The following IL1RAPL1 variants were observed in gnomAD, a reference collection of about 807,000 sequenced individuals.
IL1RAPL1 encodes interleukin-1 receptor accessory protein-like 1.
IL1RAPL1 carries 3 observed loss-of-function variants against 48.4 expected under a neutral mutation model. That is an observed-to-expected ratio of 0.06 (90% confidence interval 0.03 to 0.16). IL1RAPL1 has a LOEUF of 0.16. Among genes scored for constraint, IL1RAPL1 ranks in the 10% least tolerant of loss-of-function variants. The probability of loss-of-function intolerance (pLI) is 1.00; values close to 1 mark genes in which losing one functional copy is unlikely to be tolerated. For synonymous variants in IL1RAPL1, 185 were observed against 187.7 expected (o/e 0.99, Z 0.12); for missense variants, 349 against 530.6 (o/e 0.66, Z 3.36).
Position 29,349,179 on chromosome X carries a change from A to C in IL1RAPL1, c.363-47079A>C, listed in dbSNP as rs1933190573. ...AAAAATGATATGATCTAATGCTGAT[A>C]GATTGAGTGGGGAAACCCAGCAAGG... is the stretch of plus-strand genomic sequence containing the variant. On this transcript the variant is annotated intron_variant, in intron 3 of 10. Transcript: ENST00000378993. Among the ~76,000 whole-genome samples, 4 of 112,519 alleles carry C rather than the reference A, an allele frequency of 3.6e-5. No individual in the cohort carries two copies. The South Asian group carries it at 1.5e-3, about 41-fold the overall frequency.
chrX:29,883,448 C>T (rs1411026550), intron 6 of IL1RAPL1, among the ~76,000 whole-genome samples: 1 of 110,864 alleles, frequency 9.0e-6, no homozygotes, highest in African/African-American at 3.4e-5. Flanking sequence ...ACATTTTTAA[C>T]ACAGAGAGAG....
intron 6 of IL1RAPL1, among the ~76,000 whole-genome samples, chrX:29,678,081 C>T (rs540273742): frequency 9.0e-6 from 1 of 111,246 alleles, no homozygotes; most frequent in African/African-American, 3.3e-5. Context: ...ATCATTCTGG[C>T]AGTCACTTCT....
chrX:29,656,544 C>T (rs1370834265), intron 5 of IL1RAPL1, among the ~76,000 whole-genome samples: 1 of 111,201 alleles, frequency 9.0e-6, no homozygotes, highest in East Asian at 2.8e-4. Flanking sequence ...TGAGTTACTT[C>T]ACTTGGAATA....
chrX:29,643,230 C>G (rs1025151008), intron 5 of IL1RAPL1, among the ~76,000 whole-genome samples: 2 of 111,728 alleles, frequency 1.8e-5, no homozygotes, highest in Non-Finnish European at 3.8e-5. Context: ...ACTTGTATGT[C>G]TTACTGTATT....
chrX:28,700,110 G>C (rs1935278203), intron 1 of IL1RAPL1, among the ~76,000 whole-genome samples: 1 of 111,179 alleles, frequency 9.0e-6, no homozygotes, highest in Admixed American at 9.6e-5. Flanking sequence ...ATTTTGAAAA[G>C]TTAAAAGTAT....
intron 1 of IL1RAPL1, among the ~76,000 whole-genome samples, chrX:28,787,424 G>C (rs1936486401): frequency 9.0e-6 from 1 of 111,531 alleles, no homozygotes; most frequent in Non-Finnish European, 1.9e-5. Flanking sequence ...ACTCAGATTT[G>C]TACTTTAATG....
At chrX:29,601,564 A>G (rs1923719743) in intron 5 of IL1RAPL1, among the ~76,000 whole-genome samples, 1 of 112,164 alleles carries the variant, frequency 8.9e-6, no homozygotes, top group Non-Finnish European at 1.9e-5. Context: ...GGTTCCCCAA[A>G]ATTACAGAAT....
intron 5 of IL1RAPL1, among the ~76,000 whole-genome samples, chrX:29,414,302 T>C (rs1352989337): frequency 8.9e-6 from 1 of 112,131 alleles, no homozygotes. Flanking sequence ...TGAATGTATT[T>C]AATGCCATTT....
At chrX:29,575,376 C>T (rs1382841492) in intron 5 of IL1RAPL1, among the ~76,000 whole-genome samples, 1 of 111,741 alleles carries the variant, frequency 8.9e-6, no homozygotes, top group Non-Finnish European at 1.9e-5. Flanking sequence ...AGCGGGGAAG[C>T]CAGCAGTGCA....
chrX:28,763,680 C>A (rs1174596905), intron 1 of IL1RAPL1, among the ~76,000 whole-genome samples: 1 of 111,301 alleles, frequency 9.0e-6, no homozygotes, highest in Admixed American at 9.6e-5. Context: ...CTAGGAGTCT[C>A]TAGTCCTATG....
intron 5 of IL1RAPL1, among the ~76,000 whole-genome samples, chrX:29,581,609 A>G (rs760430520): frequency 2.3e-4 from 26 of 111,955 alleles, no homozygotes; most frequent in Middle Eastern, 9.2e-3. Context: ...AGCTGAGTGC[A>G]TGTCCTTCCG....
At chrX:28,757,840 A>G (rs921818619) in intron 1 of IL1RAPL1, among the ~76,000 whole-genome samples, 2 of 111,162 alleles carry the variant, frequency 1.8e-5, no homozygotes, top group African/African-American at 6.5e-5. Flanking sequence ...TTCCTTTTCT[A>G]ATTCATTTTA....
At chrX:28,598,138 T>G (rs1212889658) in intron 1 of IL1RAPL1, among the ~76,000 whole-genome samples, 2 of 112,255 alleles carry the variant, frequency 1.8e-5, no homozygotes, top group African/African-American at 3.2e-5. Flanking sequence ...TCATATGGAA[T>G]AAGAATATTG....
chrX:28,664,486 CAT>C (rs1317296499), intron 1 of IL1RAPL1, among the ~76,000 whole-genome samples: 5 of 111,857 alleles, frequency 4.5e-5, no homozygotes, highest in Non-Finnish European at 9.4e-5. Context: ...GCATTGGTGA[CAT>C]GTGCCTACAT....
At chrX:29,448,730 T>C (rs1934640389) in intron 5 of IL1RAPL1, among the ~76,000 whole-genome samples, 1 of 111,613 alleles carries the variant, frequency 9.0e-6, no homozygotes, top group South Asian at 3.7e-4. Context: ...ATGTCCTAGC[T>C]AGGGCTGCTC....
intron 1 of IL1RAPL1, among the ~76,000 whole-genome samples, chrX:28,780,358 T>TGC (rs1936409259): frequency 1.1e-5 from 1 of 93,928 alleles, no homozygotes; most frequent in Non-Finnish European, 2.1e-5. Flanking sequence ...TGTGTGTGTG[T>TGC]GTGTGTGTCT....
intron 6 of IL1RAPL1, among the ~76,000 whole-genome samples, chrX:29,775,099 G>C (rs1427774331): frequency 8.9e-6 from 1 of 111,753 alleles, no homozygotes; most frequent in Non-Finnish European, 1.9e-5. Context: ...CAAAGACTTT[G>C]GTGGGAATTG....
intron 1 of IL1RAPL1, among the ~76,000 whole-genome samples, chrX:28,723,063 T>A (rs1228167636): frequency 6.3e-5 from 7 of 111,303 alleles, no homozygotes; most frequent in Admixed American, 5.8e-4. Context: ...TCTTTTTTTG[T>A]TGTGTCTCTA....
In IL1RAPL1 at chrX:29,404,917, G is replaced by C. The variant is rs940930511; in HGVS notation, c.703+5609G>C. Among the ~76,000 whole-genome samples the C allele has an allele frequency of 4.5e-5, 5 of 110,759 alleles. No homozygotes were observed. The South Asian group carries it at 1.5e-3, about 33-fold the overall frequency. ...ATAGAATTTTTTTGTTTGTTTGTTT[G>C]TTTTGTTTTGTTTTGAGACGGAGTC... On this transcript the variant is annotated intron_variant, in intron 5 of 10. Coordinates refer to ENST00000378993, the MANE Select transcript of IL1RAPL1 (RefSeq NM_014271.4).
Sources: gnomAD v4.1 joint callset for allele counts (sites outside exome capture counted in the v4.1 genomes callset) on GRCh38, gnomAD v4.1.1 for gene constraint, MANE v1.5 for transcripts, NCBI Gene and HGNC (gene_info 2026-07-23, HGNC 2026-07-21) for gene names.